The following BTBD9 variants were observed in gnomAD, a reference collection of about 807,000 sequenced individuals.
The protein encoded by BTBD9 is BTB domain containing 9.
In BTBD9, 49 loss-of-function variants were observed where a neutral mutation model predicts 64.3. That is an observed-to-expected ratio of 0.76 (90% CI 0.61 to 0.97). The LOEUF is 0.97. Among genes scored for constraint, BTBD9 ranks in the 50% least tolerant of loss-of-function variants. The pLI, the probability that BTBD9 is intolerant of heterozygous loss-of-function variation, is 0.00. For synonymous variants in BTBD9, 260 were observed against 274.7 expected (o/e 0.95, Z 0.53); for missense variants, 598 against 762.1 (o/e 0.78, Z 2.53).
At chr6:38,178,645 G>A (rs1442767787) in intron 10 of BTBD9, among the ~76,000 whole-genome samples, 1 of 151,912 alleles carries the variant, frequency 6.6e-6, no homozygotes, top group Non-Finnish European at 1.5e-5. Context: ...AGAGGATGGA[G>A]GAGGGGGGGA....
chr6:38,496,414 G>A (rs1771955852), intron 6 of BTBD9, among the ~76,000 whole-genome samples: 1 of 152,058 alleles, frequency 6.6e-6, no homozygotes, highest in Non-Finnish European at 1.5e-5. Context: ...AGGCTGAGGT[G>A]AGAGGGCTGC....
chr6:38,580,985 G>A (rs930499359), intron 4 of BTBD9, among the ~76,000 whole-genome samples: 1 of 152,344 alleles, frequency 6.6e-6, no homozygotes, highest in Non-Finnish European at 1.5e-5. Context: ...CTGAGGTCAG[G>A]AGTTCGAGAT....
At chr6:38,233,256 A>G in intron 9 of BTBD9, among the ~76,000 whole-genome samples, 1 of 152,150 alleles carries the variant, frequency 6.6e-6, no homozygotes, top group Non-Finnish European at 1.5e-5. Context: ...AAATTCATTC[A>G]CTATTTTTTT....
chr6:38,402,507 T>C (rs1259817892), intron 6 of BTBD9, among the ~76,000 whole-genome samples: 1 of 152,062 alleles, frequency 6.6e-6, no homozygotes, highest in African/African-American at 2.4e-5. Flanking sequence ...CAGAATAAAA[T>C]TGAGAGCACA....
In BTBD9 at chr6:38,480,777, T is replaced by C. The variant is rs543116770; in HGVS notation, c.1154+96823A>G. ...AATCTTTCTTCCTCTGAGTGGATGA[T>C]TCCAGTGCCAGTTTTAGATCCAGTG... On this transcript the variant is annotated intron_variant, in intron 6 of 10. Coordinates refer to ENST00000481247, the MANE Select transcript of BTBD9 (RefSeq NM_001099272.2). Among the ~76,000 whole-genome samples the C allele has an allele frequency of 2.6e-4, 40 of 152,266 alleles. No individual in the cohort carries two copies. In the South Asian group the frequency reaches 8.3e-3, roughly 32 times the overall value.
chr6:38,402,824 T>G, intron 6 of BTBD9: 1 of 701,008 alleles, frequency 1.4e-6, no homozygotes, highest in South Asian at 1.5e-5. Context: ...TACCTGCACT[T>G]TGGAAGGCCA....
intron 4 of BTBD9, among the ~76,000 whole-genome samples, chr6:38,585,937 A>ACC (rs1273978079): frequency 4.2e-5 from 4 of 94,718 alleles, no homozygotes; most frequent in Non-Finnish European, 8.8e-5. Context: ...AACAGGACAG[A>ACC]CCACACACAC....
chr6:38,422,195 T>C (rs1313187802), intron 6 of BTBD9, among the ~76,000 whole-genome samples: 2 of 152,254 alleles, frequency 1.3e-5, no homozygotes, highest in East Asian at 3.9e-4. Flanking sequence ...AGCTAGAACA[T>C]AATATTGATT....
At chr6:38,513,699 A>T (rs1018498366) in intron 6 of BTBD9, among the ~76,000 whole-genome samples, 2 of 152,132 alleles carry the variant, frequency 1.3e-5, no homozygotes, top group Non-Finnish European at 2.9e-5. Flanking sequence ...TAATCGTAAA[A>T]CTACCAGCAG....
intron 1 of BTBD9, among the ~76,000 whole-genome samples, chr6:38,602,631 G>C (rs1016081126): frequency 1.3e-5 from 2 of 151,936 alleles, no homozygotes; most frequent in East Asian, 3.9e-4. Context: ...ATGTTTATTT[G>C]TAGTAAAACT....
At chr6:38,378,066 G>A (rs12212820) in intron 6 of BTBD9, among the ~76,000 whole-genome samples, 13,993 of 151,964 alleles carry the variant, frequency 0.092, 870 homozygotes, top group Non-Finnish European at 0.14. Context: ...GTGAACTTCC[G>A]AACTTCCCAT....
At position 38,204,919 on chromosome 6, in the gene BTBD9, G is replaced by GA. The variant is rs567905939; in HGVS notation, c.1563-12323dup. On this transcript the variant is annotated intron_variant, in intron 9 of 10. Coordinates refer to ENST00000481247, the MANE Select transcript of BTBD9 (RefSeq NM_001099272.2). The stretch of plus-strand genomic sequence containing the variant: ...GAAATAGGAATAAATAAAATGATAT[G>GA]AAAAAATAACATTTAGTGAACAAGA... Among the ~76,000 whole-genome samples the GA allele has an allele frequency of 4.1e-4, 62 of 152,162 alleles. No individual in the cohort carries two copies. The South Asian group carries it at 8.1e-3, about 20-fold the overall frequency.
At chr6:38,243,099 T>C (rs1764062234) in intron 9 of BTBD9, among the ~76,000 whole-genome samples, 1 of 151,826 alleles carries the variant, frequency 6.6e-6, no homozygotes. Flanking sequence ...TAAAAATAAT[T>C]AGCTTACCTA....
intron 2 of BTBD9, chr6:38,595,747 A>G (rs1229367058): frequency 1.0e-6 from 1 of 984,514 alleles, no homozygotes. Context: ...CCCAGAAAAG[A>G]TTCATGAATA....
At chr6:38,332,661 C>A (rs1371005692) in intron 7 of BTBD9, among the ~76,000 whole-genome samples, 1 of 151,544 alleles carries the variant, frequency 6.6e-6, no homozygotes, top group Non-Finnish European at 1.5e-5. Flanking sequence ...TATTTATTCT[C>A]TTGGAAAATA....
In BTBD9 at chr6:38,433,536, C is replaced by T. The variant is rs529482636; in HGVS notation, c.1155-88443G>A. Among the ~76,000 whole-genome samples, 63 of 151,912 alleles carry T rather than the reference C, an allele frequency of 4.1e-4. 1 individual carries two copies. The highest frequency in any genetic ancestry group is 1.4e-3 in the African/African-American group (58 of 41,208). On this transcript the variant is annotated intron_variant, in intron 6 of 10. Transcript: ENST00000481247. ...CCCCAACTGAGCACCTTGTGACCCC[C>T]GCCCCTGCCTGCAAGAGAAAAACCC...
Position 38,410,783 on chromosome 6 carries a change from T to G in BTBD9, c.1155-65690A>C, listed in dbSNP as rs768512583. ...TGGCTCACACCTATAATCCCAACACTTTGGGAGGCTGAGGTGGGAGGATCA... is the reference window on the plus strand; with the variant it reads ...TGGCTCACACCTATAATCCCAACACGTTGGGAGGCTGAGGTGGGAGGATCA... On this transcript the variant is annotated intron_variant, in intron 6 of 10. Coordinates refer to ENST00000481247, the MANE Select transcript of BTBD9 (RefSeq NM_001099272.2). 2.0e-5 allele frequency among the ~76,000 whole-genome samples: 3 copies of G among 151,788 alleles called. No individual in the cohort carries two copies. In the South Asian group the frequency reaches 6.3e-4, roughly 32 times the overall value.
chr6:38,408,144 G>A (rs1052980039), intron 6 of BTBD9, among the ~76,000 whole-genome samples: 2 of 152,038 alleles, frequency 1.3e-5, no homozygotes, highest in African/African-American at 4.8e-5. Flanking sequence ...ATCACATGAG[G>A]CCAGGAGTTC....
chr6:38,413,888 C>T (rs1393733473), intron 6 of BTBD9, among the ~76,000 whole-genome samples: 1 of 152,000 alleles, frequency 6.6e-6, no homozygotes, highest in African/African-American at 2.4e-5. Flanking sequence ...TAATAATAAT[C>T]CATAAAATGG....
Sources: allele counts gnomAD v4.1 joint callset (sites outside exome capture counted in the v4.1 genomes callset), GRCh38; gene constraint gnomAD v4.1.1; transcripts MANE v1.5; gene names NCBI Gene and HGNC (gene_info 2026-07-23, HGNC 2026-07-21).